Variants in KCTD8 observed in about 807,000 individuals in gnomAD.
KCTD8 encodes the protein BTB/POZ domain-containing protein KCTD8.
Under a neutral mutation model 31.5 loss-of-function variants are expected in KCTD8, and 27 were observed. The ratio of observed to expected loss-of-function variants is 0.86; its 90% CI spans 0.63 to 1.18. The LOEUF is 1.18. Ranked by LOEUF, KCTD8 falls within the 50% of genes most tolerant of loss-of-function variation. The pLI is 0.00. For synonymous variants in KCTD8, 290 were observed against 280.0 expected (o/e 1.04, Z -0.36); for missense variants, 658 against 647.7 (o/e 1.02, Z -0.17).
In KCTD8 at chr4:44,448,413, G is replaced by A. The variant is rs1577677046; in HGVS notation, c.111C>T (p.Cys37=). The change falls in exon 1 of 2, where the codon TGC becomes TGT. Residue 37 remains cysteine (C), a synonymous_variant. Transcript: ENST00000360029. This position sits in a 1 kb window ranked among gnomAD's most constrained non-coding sequence, Gnocchi z 4.1. The stretch of plus-strand genomic sequence containing the variant: ...CTACTTCAGGGAAGGGCGAGGGTGC[G>A]CAGGGCCCCGGGGCGGCGGCGGCCG... The part of the protein sequence containing the change: ...GASAAAAPGP[C]APSPFPEVVE... The A allele has an allele frequency of 1.3e-6, 2 of 1,569,758 alleles. No homozygotes were observed. The highest frequency in any genetic ancestry group is 1.7e-6 in the Non-Finnish European group (2 of 1,163,416).
intron 1 of KCTD8, among the ~76,000 whole-genome samples, chr4:44,295,491 G>A (rs776659577): frequency 6.6e-5 from 10 of 151,354 alleles, no homozygotes; most frequent in Non-Finnish European, 1.2e-4. Flanking sequence ...GGGAAAGGGA[G>A]GGAAAGCAAA....
At chr4:44,232,146 A>C (rs970074832) in intron 1 of KCTD8, among the ~76,000 whole-genome samples, 5 of 152,138 alleles carry the variant, frequency 3.3e-5, no homozygotes, top group Admixed American at 3.3e-4. Context: ...GTCTTAACTA[A>C]ATTATCCAGA....
At chr4:44,197,376 C>T (rs549306005) in intron 1 of KCTD8, among the ~76,000 whole-genome samples, 1 of 152,088 alleles carries the variant, frequency 6.6e-6, no homozygotes, top group Non-Finnish European at 1.5e-5. Flanking sequence ...GCAGGAACAG[C>T]AACAGTAATC....
chr4:44,231,752 T>C (rs1715125503), intron 1 of KCTD8, among the ~76,000 whole-genome samples: 1 of 152,152 alleles, frequency 6.6e-6, no homozygotes. Context: ...AAGAAATTTT[T>C]CTGGAATGAG....
At chr4:44,207,089 C>T (rs971975509) in intron 1 of KCTD8, among the ~76,000 whole-genome samples, 2 of 152,172 alleles carry the variant, frequency 1.3e-5, no homozygotes, top group African/African-American at 4.8e-5. Context: ...TGTGCTGTGA[C>T]TTTCCAGCTG....
At chr4:44,302,522 C>G (rs1327224339) in intron 1 of KCTD8, among the ~76,000 whole-genome samples, 1 of 152,044 alleles carries the variant, frequency 6.6e-6, no homozygotes, top group Non-Finnish European at 1.5e-5. Context: ...CTCTGTTTGT[C>G]TGTTATTGGT....
At chr4:44,268,494 T>C (rs1165778738) in intron 1 of KCTD8, among the ~76,000 whole-genome samples, 1 of 152,188 alleles carries the variant, frequency 6.6e-6, no homozygotes, top group African/African-American at 2.4e-5. Context: ...AAGACAGGGA[T>C]GCCCTCTCTC....
intron 1 of KCTD8, among the ~76,000 whole-genome samples, chr4:44,220,950 C>T (rs76040246): frequency 0.03 from 4,638 of 152,068 alleles, 241 homozygotes; most frequent in African/African-American, 0.11. Flanking sequence ...AATTTTATAC[C>T]TAAGAATCAA....
intron 1 of KCTD8, among the ~76,000 whole-genome samples, chr4:44,406,988 T>C (rs181928469): frequency 2.6e-5 from 4 of 152,360 alleles, no homozygotes; most frequent in East Asian, 1.9e-4. Flanking sequence ...TTTTTCTTTC[T>C]AATCATCAGC....
At chr4:44,409,797 A>C (rs1006201656) in intron 1 of KCTD8, among the ~76,000 whole-genome samples, 7 of 152,060 alleles carry the variant, frequency 4.6e-5, no homozygotes, top group Admixed American at 1.3e-4. Flanking sequence ...GTATATTAAA[A>C]AAAAGTAATG....
intron 1 of KCTD8, among the ~76,000 whole-genome samples, chr4:44,418,008 GTA>G (rs1332758389): frequency 2.0e-5 from 3 of 152,126 alleles, no homozygotes; most frequent in Non-Finnish European, 4.4e-5. Context: ...CCACTCTTCA[GTA>G]ATCTCAATGT....
chr4:44,256,308 C>T (rs952850422), intron 1 of KCTD8, among the ~76,000 whole-genome samples: 1 of 151,818 alleles, frequency 6.6e-6, no homozygotes, highest in Admixed American at 6.6e-5. Context: ...AAGCATGAAA[C>T]AACAACCCAC....
intron 1 of KCTD8, among the ~76,000 whole-genome samples, chr4:44,395,036 T>C (rs1720462828): frequency 6.6e-6 from 1 of 152,070 alleles, no homozygotes. Context: ...AGTGGTGATA[T>C]TACCCTCTAG....
At chr4:44,321,788 C>A (rs1328533542) in intron 1 of KCTD8, among the ~76,000 whole-genome samples, 1 of 152,076 alleles carries the variant, frequency 6.6e-6, no homozygotes, top group East Asian at 1.9e-4. Flanking sequence ...TGCTAACTAC[C>A]TTTCTAGTCT....
At chr4:44,350,901 C>T (rs1560433274) in intron 1 of KCTD8, among the ~76,000 whole-genome samples, 1 of 152,118 alleles carries the variant, frequency 6.6e-6, no homozygotes, top group African/African-American at 2.4e-5. Context: ...TCCAATCAGA[C>T]GTTCGTCAAA....
intron 1 of KCTD8, among the ~76,000 whole-genome samples, chr4:44,447,328 G>C (rs1490279552): frequency 6.6e-6 from 1 of 152,244 alleles, no homozygotes; most frequent in Non-Finnish European, 1.5e-5. Context: ...GTAGACAGCT[G>C]GGAGCTGGGT....
At chr4:44,184,964 A>G (rs1713536380) in intron 1 of KCTD8, among the ~76,000 whole-genome samples, 1 of 152,240 alleles carries the variant, frequency 6.6e-6, no homozygotes, top group African/African-American at 2.4e-5. Context: ...AAACAATACT[A>G]TAATAGTAAT....
At chr4:44,277,374 T>C (rs1716780003) in intron 1 of KCTD8, among the ~76,000 whole-genome samples, 2 of 151,858 alleles carry the variant, frequency 1.3e-5, no homozygotes, top group South Asian at 4.1e-4. Context: ...TTTTCGCTTA[T>C]CTAGGCCATA....
intron 1 of KCTD8, among the ~76,000 whole-genome samples, chr4:44,247,443 T>G (rs1488715030): frequency 6.6e-6 from 1 of 151,900 alleles, no homozygotes; most frequent in Admixed American, 6.6e-5. Flanking sequence ...ACAATTAGTG[T>G]GTGTATGTGT....
Sources: gnomAD v4.1 joint callset for allele counts (sites outside exome capture counted in the v4.1 genomes callset) on GRCh38, gnomAD v4.1.1 for gene constraint, Gnocchi (gnomAD v3.1) non-coding constraint, MANE v1.5 for transcripts, NCBI Gene and HGNC (gene_info 2026-07-23, HGNC 2026-07-21) for gene names.